CELSR1: variants seen among roughly 807,000 people sequenced by gnomAD.
CELSR1 encodes cadherin EGF LAG seven-pass G-type receptor 1.
Under a neutral mutation model 249.1 loss-of-function variants are expected in CELSR1, and 110 were observed. The observed-to-expected ratio is 0.44, with a 90% CI of 0.38 to 0.52. CELSR1 has a LOEUF of 0.52. CELSR1 is among the 20% of genes least tolerant of loss of function. CELSR1 has a pLI of 0.00. For synonymous variants in CELSR1, 2,113 were observed against 1,900.0 expected (o/e 1.11, Z -2.92); for missense variants, 4,109 against 4,296.4 (o/e 0.96, Z 1.22).
chr22:46,368,270 T>A (rs1227959849), intron 27 of CELSR1, among the ~76,000 whole-genome samples: 1 of 151,992 alleles, frequency 6.6e-6, no homozygotes, highest in Non-Finnish European at 1.5e-5. Context: ...AGTCTCCCCA[T>A]GTGTACAAGG....
At chr22:46,503,754 G>T (rs2080487934) in intron 1 of CELSR1, among the ~76,000 whole-genome samples, 1 of 152,236 alleles carries the variant, frequency 6.6e-6, no homozygotes, top group South Asian at 2.1e-4. Context: ...TTAAGGCTGG[G>T]TGCAGCGTCT....
Position 46,437,752 on chromosome 22 carries a change from C to CAAAAAAA in CELSR1, c.4406+1430_4406+1436dup, listed in dbSNP as rs766527669. Among the ~76,000 whole-genome samples, 3 of 111,008 alleles carry CAAAAAAA rather than the reference C, an allele frequency of 2.7e-5. No homozygotes were observed. The highest frequency in any genetic ancestry group is 1.0e-4 in the African/African-American group (3 of 29,432). The allele number at this position is 111,008 out of a possible 152,430, so 72.8% of individuals were successfully genotyped here. ...CTGGCAACAAAGCAAGACTCCGTCTCAAAAAAAAAAAAAAAACTGATGGTT... is the reference window on the plus strand; with the variant it reads ...CTGGCAACAAAGCAAGACTCCGTCTCAAAAAAAAAAAAAAAAAAAAAAACTGATGGTT... On this transcript the variant is annotated intron_variant, in intron 3 of 34. Coordinates refer to ENST00000674500, the MANE Select transcript of CELSR1 (RefSeq NM_001378328.1). The surrounding 1 kb of genome is among the most constrained non-coding windows in gnomAD (Gnocchi z 4.9).
chr22:46,422,610 A>C (rs984332274), intron 5 of CELSR1, among the ~76,000 whole-genome samples: 2 of 150,364 alleles, frequency 1.3e-5, no homozygotes, highest in African/African-American at 4.9e-5. Context: ...TAAATAAATA[A>C]ATAAAAATTA....
rs911136108 is a variant in CELSR1, at chr22:46,468,598, G to A, written c.3545-4253C>T. Among the ~76,000 whole-genome samples, 11 of 152,082 alleles carry A rather than the reference G, an allele frequency of 7.2e-5. No individual in the cohort carries two copies. The highest frequency in any genetic ancestry group is 1.6e-4 in the Non-Finnish European group (11 of 68,028). ...AAGTAGAATGATGGGTGCCACGGGT[G>A]GGGAGGCAGATTGGGGAGCTGTTGT... On this transcript the variant is annotated intron_variant, in intron 1 of 34. Transcript: ENST00000674500. The surrounding 1 kb of genome is among the most constrained non-coding windows in gnomAD (Gnocchi z 4.5).
rs924443951 is a variant in CELSR1, at chr22:46,521,486, C to T, written c.3544+12141G>A. Among the ~76,000 whole-genome samples, 13 of 149,608 alleles carry T rather than the reference C, an allele frequency of 8.7e-5. No homozygotes were observed. In the South Asian group the frequency reaches 1.7e-3, roughly 20 times the overall value. ...CGCCACTGCACTCCAGCCTGGGCGA[C>T]AGAGCAAGACTCCATCTCAAAAAAA... On this transcript the variant is annotated intron_variant, in intron 1 of 34. Coordinates refer to ENST00000674500, the MANE Select transcript of CELSR1 (RefSeq NM_001378328.1).
chr22:46,391,339 CCACAA>C lies in CELSR1; in HGVS notation c.6149-57_6149-53del. On this transcript the variant is annotated intron_variant, in intron 15 of 34. Transcript: ENST00000674500. This position sits in a 1 kb window ranked among gnomAD's most constrained non-coding sequence, Gnocchi z 4.3. ...TCAGCGGGGCACGCCACACCCACGA[CCACAA>C]ACAGGCACCACTGTCTGCATGCGCC... 1 of 1,515,340 alleles carries C rather than the reference CCACAA, an allele frequency of 6.6e-7. No homozygotes were observed. Among genetic ancestry groups the C allele is most frequent in the Non-Finnish European group, 9.1e-7 (1 of 1,096,678 alleles). 93.9% of individuals were successfully genotyped at this position (1,515,340 alleles called of 1,614,324 possible).
At chr22:46,462,844 A>G (rs2080047229) in intron 2 of CELSR1, 1 of 430,370 alleles carries the variant, frequency 2.3e-6, no homozygotes, top group Admixed American at 3.1e-5. Flanking sequence ...ATTTGGAGTA[A>G]TTCATCTTGG....
At position 46,428,535 on chromosome 22, in the gene CELSR1, C is replaced by A. The variant is rs1000914936; in HGVS notation, c.4611+4858G>T. The stretch of plus-strand genomic sequence containing the variant: ...CTAGCCCAGTGGTTCTCATCCAGGG[C>A]ATGACCTCAGGGGCCTGACAATGAT... On this transcript the variant is annotated intron_variant, in intron 5 of 34. Transcript: ENST00000674500. This position sits in a 1 kb window ranked among gnomAD's most constrained non-coding sequence, Gnocchi z 5.7. Among the ~76,000 whole-genome samples, 5 of 152,352 alleles carry A rather than the reference C, an allele frequency of 3.3e-5. No homozygotes were observed. The highest frequency in any genetic ancestry group is 6.5e-5 in the Admixed American group (1 of 15,300).
intron 1 of CELSR1, among the ~76,000 whole-genome samples, chr22:46,495,506 C>T (rs923797738): frequency 6.6e-6 from 1 of 152,212 alleles, no homozygotes; most frequent in African/African-American, 2.4e-5. Context: ...CAGACTTTAT[C>T]AACACTGAAC....
Position 46,536,532 on chromosome 22 carries a change from G to C in CELSR1, c.639C>G (p.Ser213=). The change falls in exon 1 of 35, where the codon TCC becomes TCG. Residue 213 remains serine, a synonymous_variant. Transcript: ENST00000674500. ...AGTTCGGCGGCAGGGGCGGCGATGG[G>C]GATGGCGACGCGGAGGGCGTCCCCG... ...ATAGTPSASP[S]PSPPLPPNLP... 2.1e-6 allele frequency: 3 copies of C among 1,416,230 alleles called. No individual in the cohort carries two copies. The highest frequency in any genetic ancestry group is 2.7e-6 in the Non-Finnish European group (3 of 1,092,508). The allele number at this position is 1,416,230 out of a possible 1,614,324, so 87.7% of individuals were successfully genotyped here. A position where few individuals can be genotyped will look rare whatever the true frequency, so the allele number is the denominator to read the frequency against.
In CELSR1 at chr22:46,533,907, G is replaced by A. The variant is rs147040657; in HGVS notation, c.3264C>T (p.His1088=). 3.9e-5 allele frequency: 63 copies of A among 1,613,188 alleles called. No homozygotes were observed. In the African/African-American group the frequency reaches 8.3e-4, roughly 21 times the overall value. ...SAPLVSRATV[H]ILLVDQNDNP... ...TGTCATTCTGGTCCACGAGAAGGAT[G>A]TGCACCGTGGCTCGGCTCACCAGCG... The change falls in exon 1 of 35, where the codon CAC becomes CAT. Residue 1088 remains histidine, a synonymous_variant. Coordinates refer to ENST00000674500, the MANE Select transcript of CELSR1 (RefSeq NM_001378328.1).
Position 46,408,572 on chromosome 22 carries a change from T to C in CELSR1, c.5226+424A>G, listed in dbSNP as rs1398505604. ...CTGGTCTCGAACTTCTGACCTCAGG[T>C]GATCCGCCGGCCTCCGCCACCCAAA... On this transcript the variant is annotated intron_variant, in intron 9 of 34. Coordinates refer to ENST00000674500, the MANE Select transcript of CELSR1 (RefSeq NM_001378328.1). This position sits in a 1 kb window ranked among gnomAD's most constrained non-coding sequence, Gnocchi z 4.6. Among the ~76,000 whole-genome samples, 1 of 152,186 alleles carries C rather than the reference T, an allele frequency of 6.6e-6. No individual in the cohort carries two copies. The highest frequency in any genetic ancestry group is 1.5e-5 in the Non-Finnish European group (1 of 68,024).
intron 2 of CELSR1, among the ~76,000 whole-genome samples, chr22:46,443,609 G>T (rs2079780981): frequency 6.6e-6 from 1 of 152,158 alleles, no homozygotes; most frequent in South Asian, 2.1e-4. Flanking sequence ...CCTTCCACAT[G>T]TATTCACACA....
chr22:46,504,692 G>T (rs1289508378), intron 1 of CELSR1, among the ~76,000 whole-genome samples: 1 of 152,108 alleles, frequency 6.6e-6, no homozygotes, highest in Non-Finnish European at 1.5e-5. Context: ...TTCACACACG[G>T]CTGGCTCTAG....
intron 1 of CELSR1, among the ~76,000 whole-genome samples, chr22:46,515,477 G>A (rs1030138405): frequency 1.3e-5 from 2 of 152,172 alleles, no homozygotes; most frequent in Non-Finnish European, 2.9e-5. Flanking sequence ...ACAGAAAATA[G>A]GAAAGCATGA....
chr22:46,439,485 A>C, intron 2 of CELSR1, 74 bp from the exon 3 acceptor site: 1 of 1,232,702 alleles, frequency 8.1e-7, no homozygotes. Context: ...CCTGTCGCAG[A>C]CCCTGGACAC....
In CELSR1 at chr22:46,535,646, G is replaced by C. The variant is rs1405526883; in HGVS notation, c.1525C>G (p.Leu509Val). ...TCCAGGATCCCGCTCAGCGAGTGCA[G>C]GTAGAACTGGCCGGCCACGTTCCCG... ...LSGNVAGQFY[L>V]HSLSGILDVI... The change falls in exon 1 of 35, where the codon CTG (leucine) becomes GTG (valine). Residue 509 changes from leucine to valine, a missense_variant. Transcript: ENST00000674500. 6.2e-7 allele frequency: 1 copy of C among 1,613,364 alleles called. No individual in the cohort carries two copies. The highest frequency in any genetic ancestry group is 2.2e-5 in the East Asian group (1 of 44,886).
chr22:46,404,057 A>G (rs530459915), intron 9 of CELSR1, among the ~76,000 whole-genome samples: 1 of 152,148 alleles, frequency 6.6e-6, no homozygotes, highest in Non-Finnish European at 1.5e-5. Context: ...CTGAAACCAC[A>G]TGGTATACAT....
At chr22:46,379,231 C>A (rs949123026) in intron 22 of CELSR1, among the ~76,000 whole-genome samples, 4 of 152,168 alleles carry the variant, frequency 2.6e-5, no homozygotes, top group Admixed American at 1.3e-4. Flanking sequence ...ATGGGAACTG[C>A]CCAGAAGCCA....
Sources: gnomAD v4.1 joint callset for allele counts (sites outside exome capture counted in the v4.1 genomes callset) on GRCh38, gnomAD v4.1.1 for gene constraint, Gnocchi (gnomAD v3.1) non-coding constraint, MANE v1.5 for transcripts, NCBI Gene and HGNC (gene_info 2026-07-23, HGNC 2026-07-21) for gene names.